MIER2: variants seen among roughly 807,000 people sequenced by gnomAD.
MIER2 encodes the protein mesoderm induction early response protein 2.
A neutral mutation model predicts 67.6 loss-of-function variants in MIER2; 30 were observed. The ratio of observed to expected loss-of-function variants is 0.44; its 90% CI spans 0.33 to 0.60. The LOEUF is 0.60. MIER2 is among the 20% of genes least tolerant of loss of function. The probability of loss-of-function intolerance (pLI) is 0.02; values close to 1 mark genes in which losing one functional copy is unlikely to be tolerated. For synonymous variants in MIER2, 372 were observed against 312.6 expected, an observed-to-expected ratio of 1.19 and a Z score of -2.00; for missense variants, 702 against 745.1, an observed-to-expected ratio of 0.94 and a Z score of 0.67.
chr19:344,465 C>A lies in MIER2; in HGVS notation c.9+309G>T, dbSNP rs1972648700. 2.1e-5 allele frequency: 16 copies of A among 766,598 alleles called. No individual in the cohort carries two copies. In the South Asian group the frequency reaches 7.1e-4, roughly 34 times the overall value. The allele number at this position is 766,598 out of a possible 1,614,324, so 47.5% of individuals were successfully genotyped here. On this transcript the variant is annotated intron_variant, in intron 1 of 13. Coordinates refer to ENST00000264819, the MANE Select transcript of MIER2 (RefSeq NM_017550.3). ...CGGAGCCGCGCGCCCACCGGACCCC[C>A]GACACCAGCCCCGCCCCGCGTCCCT...
intron 7 of MIER2, among the ~76,000 whole-genome samples, chr19:319,743 C>G (rs1393125907): frequency 6.6e-6 from 1 of 152,144 alleles, no homozygotes; most frequent in Non-Finnish European, 1.5e-5. Flanking sequence ...AGGCATGAGC[C>G]CCCACTCCTG....
rs367884212 is a variant in MIER2, at chr19:309,263, G to T, written c.985-338C>A. On this transcript the variant is annotated intron_variant, in intron 10 of 13. Coordinates refer to ENST00000264819, the MANE Select transcript of MIER2 (RefSeq NM_017550.3). ...TCTACTGCTCACCCACCCCATCCCA[G>T]ACCATGAGCCACGGGCCAGTTGCGT... Among the ~76,000 whole-genome samples, 14 of 152,152 alleles carry T rather than the reference G, an allele frequency of 9.2e-5. No homozygotes were observed. In the East Asian group the frequency reaches 2.3e-3, roughly 25 times the overall value.
At position 306,584 on chromosome 19, in the gene MIER2, C is replaced by T; in HGVS notation, c.*106G>A. 1 of 1,461,698 alleles carries T rather than the reference C, an allele frequency of 6.8e-7. No individual in the cohort carries two copies. The highest frequency in any genetic ancestry group is 9.4e-7 in the Non-Finnish European group (1 of 1,069,512). 90.5% of individuals were successfully genotyped at this position (1,461,698 alleles called of 1,614,324 possible). On this transcript the variant is annotated 3_prime_UTR_variant, in exon 14 of 14. Coordinates refer to ENST00000264819, the MANE Select transcript of MIER2 (RefSeq NM_017550.3). ...TGTTCTGAAGCAGAAGGAGGTGCTA[C>T]CCCAAGGCCCGGGGGGTGGGGAAGG...
At chr19:343,232 T>C (rs950763028) in intron 1 of MIER2, among the ~76,000 whole-genome samples, 14 of 152,306 alleles carry the variant, frequency 9.2e-5, no homozygotes, top group Admixed American at 8.5e-4. Context: ...ATGGCAGCTC[T>C]GGGGGAGGCT....
At chr19:315,119 C>G (rs1187368019) in intron 7 of MIER2, among the ~76,000 whole-genome samples, 2 of 152,126 alleles carry the variant, frequency 1.3e-5, no homozygotes, top group Admixed American at 6.6e-5. Flanking sequence ...CATCCCAGCA[C>G]TTTGGGAGGC....
At chr19:315,530 G>T (rs1294896167) in intron 7 of MIER2, among the ~76,000 whole-genome samples, 1 of 152,176 alleles carries the variant, frequency 6.6e-6, no homozygotes, top group Non-Finnish European at 1.5e-5. Flanking sequence ...TTATAGAAAA[G>T]AATCTCAAGG....
At chr19:313,329 C>T (rs1007839647) in intron 8 of MIER2, among the ~76,000 whole-genome samples, 163 bp downstream of exon 8, 8 of 152,260 alleles carry the variant, frequency 5.3e-5, no homozygotes, top group Non-Finnish European at 8.8e-5. Flanking sequence ...TTTTAATTGG[C>T]CCCCCTTCTG....
chr19:329,850 G>A (rs2030867464), intron 3 of MIER2, among the ~76,000 whole-genome samples: 1 of 127,048 alleles, frequency 7.9e-6, no homozygotes, highest in Admixed American at 9.6e-5. Context: ...TAGGTGACGA[G>A]AGCAATACTC....
At chr19:336,782 C>T (rs1394572633) in intron 1 of MIER2, among the ~76,000 whole-genome samples, 4 of 152,090 alleles carry the variant, frequency 2.6e-5, no homozygotes, top group African/African-American at 7.2e-5. Context: ...TTGTCAATTA[C>T]AATTTTTTTT....
intron 10 of MIER2, among the ~76,000 whole-genome samples, chr19:310,993 C>T (rs371288096): frequency 1.6e-4 from 25 of 152,374 alleles, no homozygotes; most frequent in Non-Finnish European, 2.8e-4. Flanking sequence ...GACAGTCCAT[C>T]GCTGCTGCGC....
chr19:310,732 T>TATA (rs1970956974), intron 10 of MIER2, among the ~76,000 whole-genome samples: 1 of 123,088 alleles, frequency 8.1e-6, no homozygotes, highest in Admixed American at 8.3e-5. Context: ...GGCCCGGAGC[T>TATA]GTAGAAACAC....
intron 4 of MIER2, among the ~76,000 whole-genome samples, 158 bp downstream of exon 4, chr19:327,706 A>G (rs10404997): frequency 0.028 from 4,246 of 152,278 alleles, 213 homozygotes; most frequent in African/African-American, 0.097. Context: ...CCCCATGCCC[A>G]TGGCCATTCC....
intron 2 of MIER2, among the ~76,000 whole-genome samples, chr19:335,387 G>A (rs1307119375): frequency 1.3e-5 from 2 of 152,228 alleles, no homozygotes; most frequent in African/African-American, 2.4e-5. Context: ...CAGGCACCTC[G>A]TTAGAGTGAG....
At chr19:342,894 G>A (rs950678810) in intron 1 of MIER2, among the ~76,000 whole-genome samples, 7 of 151,948 alleles carry the variant, frequency 4.6e-5, no homozygotes, top group East Asian at 1.9e-4. Context: ...GAGTCACTGG[G>A]CAACCTGCCC....
At chr19:338,818 T>C (rs1972378149) in intron 1 of MIER2, among the ~76,000 whole-genome samples, 1 of 152,164 alleles carries the variant, frequency 6.6e-6, no homozygotes. Context: ...GAACAGTCTT[T>C]AACAAATGGT....
intron 3 of MIER2, among the ~76,000 whole-genome samples, chr19:329,991 C>T (rs1971945524): frequency 6.6e-6 from 1 of 152,042 alleles, no homozygotes; most frequent in African/African-American, 2.4e-5. Flanking sequence ...CTGCTGCATA[C>T]CAAAGTGAGG....
intron 7 of MIER2, among the ~76,000 whole-genome samples, chr19:321,031 C>T (rs1341059996): frequency 6.6e-6 from 1 of 152,196 alleles, no homozygotes; most frequent in African/African-American, 2.4e-5. Flanking sequence ...GCATTCAGTA[C>T]ACGGCAGGAA....
intron 7 of MIER2, 83 bp from the exon 8 acceptor site, chr19:313,726 A>C: frequency 1.3e-5 from 20 of 1,532,064 alleles, no homozygotes; most frequent in Non-Finnish European, 1.7e-5. Context: ...CAGCCAACTC[A>C]GCCCCTGACA....
At chr19:330,655 TAC>T (rs2145500100) in intron 3 of MIER2, among the ~76,000 whole-genome samples, 1 of 152,204 alleles carries the variant, frequency 6.6e-6, no homozygotes, top group Non-Finnish European at 1.5e-5. Context: ...ACGGGGCATT[TAC>T]AGAGGTAATT....
Sources: allele counts gnomAD v4.1 joint callset (sites outside exome capture counted in the v4.1 genomes callset), GRCh38; gene constraint gnomAD v4.1.1; transcripts MANE v1.5; gene names NCBI Gene and HGNC (gene_info 2026-07-23, HGNC 2026-07-21).